THUMPD2: variants seen among roughly 807,000 people sequenced by gnomAD.
The protein encoded by THUMPD2 is THUMP domain 2 tRNA and snRNA guanosine methyltransferase, also known as U6 snRNA (guanine-N(2))-methyltransferase THUMPD2.
A neutral mutation model predicts 49.4 loss-of-function variants in THUMPD2; 56 were observed. That is an observed-to-expected ratio of 1.13 (90% CI 0.91 to 1.41). The LOEUF (loss-of-function observed/expected upper bound fraction) is 1.41. Among genes scored for constraint, THUMPD2 ranks in the 40% most tolerant of loss-of-function variants. The pLI, the probability that THUMPD2 is intolerant of heterozygous loss-of-function variation, is 0.00. For missense variants in THUMPD2, 709 were observed against 594.5 expected, an observed-to-expected ratio of 1.19 and a Z score of -2.00; for synonymous variants, 237 against 205.2, an observed-to-expected ratio of 1.15 and a Z score of -1.32.
intron 9 of THUMPD2, among the ~76,000 whole-genome samples, chr2:39,737,309 C>T (rs1296066999): frequency 1.3e-5 from 2 of 151,998 alleles, no homozygotes. Context: ...AATTTGTAGT[C>T]ACGGTCTAAT....
chr2:39,757,112 T>G (rs1572814175), intron 6 of THUMPD2: 1 of 316,960 alleles, frequency 3.2e-6, no homozygotes, highest in African/African-American at 2.2e-5. Context: ...TGGTCTGTAC[T>G]CTTACAGGAA....
chr2:39,769,378 A>C (rs902347214), intron 3 of THUMPD2: 2 of 237,094 alleles, frequency 8.4e-6, no homozygotes, highest in East Asian at 1.8e-4. Flanking sequence ...ATCTCATTTT[A>C]AATCTAAAGA....
intron 6 of THUMPD2, among the ~76,000 whole-genome samples, 188 bp downstream of exon 6, chr2:39,761,143 G>A (rs1676766578): frequency 6.6e-6 from 1 of 152,008 alleles, no homozygotes; most frequent in African/African-American, 2.4e-5. Context: ...AATACTCTCA[G>A]AAGTTCAATA....
chr2:39,741,774 T>C (rs1673925604), intron 9 of THUMPD2, among the ~76,000 whole-genome samples: 1 of 152,220 alleles, frequency 6.6e-6, no homozygotes, highest in African/African-American at 2.4e-5. Flanking sequence ...CTGCCTGTTA[T>C]GAACAGGTTT....
At chr2:39,742,558 G>T (rs1407561538) in intron 9 of THUMPD2, among the ~76,000 whole-genome samples, 1 of 152,174 alleles carries the variant, frequency 6.6e-6, no homozygotes, top group East Asian at 1.9e-4. Flanking sequence ...TGCAGCATTA[G>T]ATTTTCAGTT....
intron 8 of THUMPD2, among the ~76,000 whole-genome samples, chr2:39,748,200 C>T (rs994441076): frequency 1.3e-5 from 2 of 152,124 alleles, no homozygotes; most frequent in African/African-American, 2.4e-5. Context: ...GAATAAAATG[C>T]CATCAAAATT....
intron 5 of THUMPD2, among the ~76,000 whole-genome samples, chr2:39,763,382 G>A (rs1291925619): frequency 6.6e-6 from 1 of 151,842 alleles, no homozygotes; most frequent in Non-Finnish European, 1.5e-5. Context: ...TCATTTTCTT[G>A]TGCCACGTAC....
chr2:39,762,478 G>T (rs1009716829), intron 5 of THUMPD2, among the ~76,000 whole-genome samples: 9 of 151,946 alleles, frequency 5.9e-5, no homozygotes, highest in South Asian at 4.2e-4. Context: ...CAGTGTAATT[G>T]TATACTTGCT....
chr2:39,753,456 C>A (rs946282471), intron 8 of THUMPD2, among the ~76,000 whole-genome samples: 1 of 152,204 alleles, frequency 6.6e-6, no homozygotes, highest in African/African-American at 2.4e-5. Flanking sequence ...TACTTACACT[C>A]ATTCCCTAGG....
chr2:39,762,032 A>G (rs956668894), intron 5 of THUMPD2, among the ~76,000 whole-genome samples: 1 of 152,160 alleles, frequency 6.6e-6, no homozygotes, highest in African/African-American at 2.4e-5. Context: ...CACCTCATCA[A>G]TGCCACTATC....
At chr2:39,756,678 C>T (rs1384518590) in intron 6 of THUMPD2, among the ~76,000 whole-genome samples, 1 of 151,970 alleles carries the variant, frequency 6.6e-6, no homozygotes, top group East Asian at 1.9e-4. Context: ...TTCCTGAATA[C>T]AAATTATCAA....
chr2:39,744,468 C>T lies in THUMPD2; in HGVS notation c.1089G>A (p.Leu363=), dbSNP rs1430214807. The T allele has an allele frequency of 6.4e-7, 1 of 1,566,150 alleles. No homozygotes were observed. Among genetic ancestry groups the T allele is most frequent in the Admixed American group, 2.0e-5 (1 of 50,480 alleles). ...LLKISVIELP[L]PSESVDIIIS... ...TAATAATATCAACACTTTCTGAAGG[C>T]AATGGCAATTCTGAAATATAGAAAT... is the stretch of plus-strand genomic sequence containing the variant. Residue 363 remains leucine, a synonymous_variant, in exon 9 of 10, where the codon TTG becomes TTA. Coordinates refer to ENST00000505747, the MANE Select transcript of THUMPD2 (RefSeq NM_025264.5).
intron 8 of THUMPD2, among the ~76,000 whole-genome samples, chr2:39,749,715 A>T (rs1047532340): frequency 6.6e-6 from 1 of 152,110 alleles, no homozygotes; most frequent in African/African-American, 2.4e-5. Flanking sequence ...TGGTAATAAG[A>T]CCAGCATCCA....
In THUMPD2 at chr2:39,769,723, G is replaced by T. The variant is rs146568509; in HGVS notation, c.659C>A (p.Ala220Asp). The change falls in exon 3 of 10, where the codon GCC becomes GAC. Residue 220 changes from alanine (A) to aspartate (D), a missense_variant. Ala to Asp is a moderately radical substitution (Grantham distance 126, BLOSUM62 -2). Transcript: ENST00000505747. ...ATGCAAGCATACCTGTGCAGTGAAG[G>T]CCTTTCCAATAGTTCCACTGCAGCG... ...SCRCSGTIGKAFTAQEVGKVI... is the reference protein window; with the variant it reads ...SCRCSGTIGKDFTAQEVGKVI... The T allele has an allele frequency of 2.6e-6, 4 of 1,567,594 alleles. No homozygotes were observed. The highest frequency in any genetic ancestry group is 3.4e-6 in the Non-Finnish European group (4 of 1,163,846).
rs185203111 is a variant in THUMPD2 at position 39,736,582 on chromosome 2, C to A, written c.*153G>T. Reference sequence around the variant, plus strand: ...TTAGAATATAAAGCAGAAACTCTTACCAAGCATGTGTACCCATCAGCCACA... The same window carrying A: ...TTAGAATATAAAGCAGAAACTCTTAACAAGCATGTGTACCCATCAGCCACA... On this transcript the variant is annotated 3_prime_UTR_variant, in exon 10 of 10. Transcript: ENST00000505747. The A allele has an allele frequency of 5.4e-6, 3 of 558,928 alleles. No individual in the cohort carries two copies. Among genetic ancestry groups the A allele is most frequent in the East Asian group, 5.8e-5 (2 of 34,698 alleles). The allele number at this position is 558,928 out of a possible 1,614,324, so 34.6% of individuals were successfully genotyped here.
intron 1 of THUMPD2, among the ~76,000 whole-genome samples, chr2:39,774,122 G>A (rs1678750959): frequency 6.6e-6 from 1 of 152,228 alleles, no homozygotes; most frequent in Admixed American, 6.5e-5. Context: ...GTGTGAGTGT[G>A]CCAGGCAATG....
rs375272352 is a variant in THUMPD2, at chr2:39,776,220, A to G, written c.126+2894T>C. On this transcript the variant is annotated intron_variant, in intron 1 of 9. Transcript: ENST00000505747. ...ATGTGTTTGTAGATATGTAAATTAA[A>G]TATTTAACATCATCCAGGGACTTAT... 6.3e-4 allele frequency among the ~76,000 whole-genome samples: 96 copies of G among 152,306 alleles called. 4 individuals carry two copies. In the South Asian group the frequency reaches 0.02, roughly 32 times the overall value.
chr2:39,757,044 A>G (rs970512837), intron 6 of THUMPD2, among the ~76,000 whole-genome samples: 2 of 152,048 alleles, frequency 1.3e-5, no homozygotes, highest in African/African-American at 4.8e-5. Flanking sequence ...TAGGGAAGCC[A>G]AGAAATGAAG....
intron 5 of THUMPD2, among the ~76,000 whole-genome samples, chr2:39,762,289 T>C (rs1470581504): frequency 1.3e-5 from 2 of 152,184 alleles, no homozygotes; most frequent in Non-Finnish European, 2.9e-5. Flanking sequence ...AAAGCCATGA[T>C]TTTCTTCAAA....
Sources: gnomAD v4.1 joint callset for allele counts (sites outside exome capture counted in the v4.1 genomes callset) on GRCh38, gnomAD v4.1.1 for gene constraint, MANE v1.5 for transcripts, NCBI Gene and HGNC (gene_info 2026-07-23, HGNC 2026-07-21) for gene names.